Variants in TAS2R1 observed in about 807,000 individuals in gnomAD.
TAS2R1 encodes taste 2 receptor member 1.
For missense variants in TAS2R1, 370 were observed against 353.4 expected, an observed-to-expected ratio of 1.05 and a Z score of -0.38; for synonymous variants, 141 against 134.2, an observed-to-expected ratio of 1.05 and a Z score of -0.35.
chr5:9,669,289 T>G (rs1006367252), intron 1 of TAS2R1, among the ~76,000 whole-genome samples: 1 of 152,162 alleles, frequency 6.6e-6, no homozygotes, highest in African/African-American at 2.4e-5. Flanking sequence ...ACAAAGAGAC[T>G]TTGATAACCA....
chr5:9,799,509 A>T, the TAS2R1 span, among the ~76,000 whole-genome samples: 1 of 152,190 alleles, frequency 6.6e-6, no homozygotes, highest in Non-Finnish European at 1.5e-5. Context: ...CAGTGAGAAC[A>T]GTAGACTAAG....
the TAS2R1 span, among the ~76,000 whole-genome samples, chr5:9,720,430 A>G: frequency 6.6e-6 from 1 of 152,234 alleles, no homozygotes; most frequent in African/African-American, 2.4e-5. Context: ...GAGCAAACGG[A>G]AATGTGGAAT....
At chr5:9,700,044 A>C (rs771999348) in intron 1 of TAS2R1, among the ~76,000 whole-genome samples, 7 of 152,200 alleles carry the variant, frequency 4.6e-5, no homozygotes, top group Non-Finnish European at 7.4e-5. Flanking sequence ...CTCAAAAAAA[A>C]AATCTGGTGT....
the TAS2R1 span, among the ~76,000 whole-genome samples, chr5:9,804,539 A>C: frequency 6.6e-6 from 1 of 152,230 alleles, no homozygotes; most frequent in Non-Finnish European, 1.5e-5. Context: ...AATTATATCA[A>C]GTACTCTCTC....
intron 2 of TAS2R1, among the ~76,000 whole-genome samples, chr5:9,655,255 C>A (rs1203894670): frequency 2.0e-5 from 3 of 152,096 alleles, no homozygotes; most frequent in Admixed American, 1.3e-4. Flanking sequence ...CATGTATTTT[C>A]CAAAACTTGT....
the TAS2R1 span, among the ~76,000 whole-genome samples, chr5:9,877,183 T>C: frequency 6.6e-6 from 1 of 152,216 alleles, no homozygotes; most frequent in Non-Finnish European, 1.5e-5. Context: ...AACTGGCCTC[T>C]CTTGAAACCC....
At chr5:9,896,489 T>A in the TAS2R1 span, among the ~76,000 whole-genome samples, 1 of 152,168 alleles carries the variant, frequency 6.6e-6, no homozygotes, top group South Asian at 2.1e-4. Flanking sequence ...CTGCGAGCCT[T>A]GTCTCTGTTA....
Position 9,674,257 on chromosome 5 carries a change from T to G in TAS2R1, c.-241-14676A>C, listed in dbSNP as rs750030889. 6.6e-5 allele frequency among the ~76,000 whole-genome samples: 10 copies of G among 152,142 alleles called. No homozygotes were observed. In the South Asian group the frequency reaches 8.3e-4, roughly 13 times the overall value. ...TGCCATTTAGTCTTCAATAAAGCAG[T>G]ATATGATGATAGTATATTATGAAAT... On this transcript the variant is annotated intron_variant, in intron 1 of 2. Coordinates refer to the TAS2R1 transcript ENST00000506620.
Position 9,687,588 on chromosome 5 carries a change from C to T in TAS2R1, c.-242+24584G>A, listed in dbSNP as rs551208058. ...CTTTCTGCCTGTAGTCCAGATCCCC[C>T]GAAGAAGAAAACAATGTCCTCCGGT... On this transcript the variant is annotated intron_variant, in intron 1 of 2. Transcript: ENST00000506620. Among the ~76,000 whole-genome samples, 5 of 152,224 alleles carry T rather than the reference C, an allele frequency of 3.3e-5. No individual in the cohort carries two copies. In the South Asian group the frequency reaches 8.3e-4, roughly 25 times the overall value.
chr5:9,836,301 T>C, the TAS2R1 span, among the ~76,000 whole-genome samples: 1 of 152,116 alleles, frequency 6.6e-6, no homozygotes, highest in African/African-American at 2.4e-5. Context: ...ATAAAGTGTG[T>C]TATTTGGAAC....
the TAS2R1 span, among the ~76,000 whole-genome samples, chr5:9,809,282 G>A: frequency 6.6e-6 from 1 of 152,190 alleles, no homozygotes; most frequent in Non-Finnish European, 1.5e-5. Context: ...ATGTAAGAAA[G>A]ACAGGAATTT....
chr5:9,667,327 C>T (rs949037112), intron 1 of TAS2R1, among the ~76,000 whole-genome samples: 3 of 152,192 alleles, frequency 2.0e-5, no homozygotes, highest in Non-Finnish European at 4.4e-5. Context: ...GAGCTTCCAG[C>T]CTAGAGGCTC....
At chr5:9,873,640 G>A in the TAS2R1 span, among the ~76,000 whole-genome samples, 4 of 151,964 alleles carry the variant, frequency 2.6e-5, no homozygotes, top group African/African-American at 4.8e-5. Context: ...GCCGAGGCAG[G>A]TGGATTGTCT....
chr5:9,751,297 T>C, the TAS2R1 span, among the ~76,000 whole-genome samples: 317 of 151,602 alleles, frequency 2.1e-3, 4 homozygotes, highest in African/African-American at 7.4e-3. Flanking sequence ...CAAAAGAGGT[T>C]AGAACCACAG....
rs577441117 is a variant in TAS2R1 at position 9,662,585 on chromosome 5, C to T, written c.-241-3004G>A. Among the ~76,000 whole-genome samples the T allele has an allele frequency of 3.9e-5, 6 of 152,258 alleles. No homozygotes were observed. In the South Asian group the frequency reaches 1.2e-3, roughly 32 times the overall value. On this transcript the variant is annotated intron_variant, in intron 1 of 2. Transcript: ENST00000506620. ...CTTACAGGTGCCTGAAAGAGGAGAGCTCAAGTGAGAATAAGTAGATCAAAC... is the reference window on the plus strand; with the variant it reads ...CTTACAGGTGCCTGAAAGAGGAGAGTTCAAGTGAGAATAAGTAGATCAAAC...
chr5:9,762,568 G>A, the TAS2R1 span, among the ~76,000 whole-genome samples: 1 of 152,186 alleles, frequency 6.6e-6, no homozygotes, highest in Non-Finnish European at 1.5e-5. Flanking sequence ...CCGGTAAATT[G>A]TCTTCGGAAC....
chr5:9,810,467 G>C, the TAS2R1 span, among the ~76,000 whole-genome samples: 1 of 152,140 alleles, frequency 6.6e-6, no homozygotes, highest in Non-Finnish European at 1.5e-5. Flanking sequence ...GGGGAGGTTG[G>C]AAGTCTTTGG....
chr5:9,671,474 C>G (rs563350147), intron 1 of TAS2R1, among the ~76,000 whole-genome samples: 2 of 152,160 alleles, frequency 1.3e-5, no homozygotes, highest in East Asian at 3.9e-4. Flanking sequence ...AAAAAATCAG[C>G]AGCATTTCCA....
At chr5:9,714,511 T>A (rs1734766592), upstream of TAS2R1, among the ~76,000 whole-genome samples, 1 of 152,234 alleles carries the variant, frequency 6.6e-6, no homozygotes, top group Admixed American at 6.5e-5. Context: ...TTGGGCAAGA[T>A]GTTTTGCCTC....
Sources: allele counts gnomAD v4.1 joint callset (sites outside exome capture counted in the v4.1 genomes callset), GRCh38; gene constraint gnomAD v4.1.1; transcripts MANE v1.5; gene names NCBI Gene and HGNC (gene_info 2026-07-23, HGNC 2026-07-21).